The following VPS13B variants were observed in gnomAD, a reference collection of about 807,000 sequenced individuals.
VPS13B encodes the protein intermembrane lipid transfer protein VPS13B.
Under a neutral mutation model 426.4 loss-of-function variants are expected in VPS13B, and 285 were observed. The observed-to-expected ratio is 0.67, with a 90% CI of 0.61 to 0.74. VPS13B has a LOEUF of 0.74. Ranked by LOEUF, VPS13B falls within the 30% of genes least tolerant of loss-of-function variation. The pLI is 0.00. For missense variants in VPS13B, 4,537 were observed against 4,782.6 expected, an observed-to-expected ratio of 0.95 and a Z score of 1.51; for synonymous variants, 1,676 against 1,676.4, an observed-to-expected ratio of 1.00 and a Z score of 0.01.
intron 17 of VPS13B, among the ~76,000 whole-genome samples, chr8:99,238,630 C>G (rs770512883): frequency 1.8e-4 from 28 of 152,060 alleles, no homozygotes; most frequent in Admixed American, 6.6e-4. Context: ...CATGTTAATA[C>G]TGACAGTTAT....
chr8:99,604,280 A>G (rs1352586082), intron 33 of VPS13B, among the ~76,000 whole-genome samples: 1 of 152,184 alleles, frequency 6.6e-6, no homozygotes, highest in African/African-American at 2.4e-5. Flanking sequence ...TCAACATTCT[A>G]CAATAATATG....
Position 99,559,265 on chromosome 8 carries a change from G to A in VPS13B, c.4949+2612G>A, listed in dbSNP as rs535461309. ...TTTTGATGGGGTTATTTGATTTTTTGTTGTAAATTTGTTTAAGTTCTTTGT... is the reference window on the plus strand; with the variant it reads ...TTTTGATGGGGTTATTTGATTTTTTATTGTAAATTTGTTTAAGTTCTTTGT... On this transcript the variant is annotated intron_variant, in intron 31 of 61. Coordinates refer to ENST00000357162, the MANE Select transcript of VPS13B (RefSeq NM_152564.5). 2.0e-5 allele frequency among the ~76,000 whole-genome samples: 3 copies of A among 152,064 alleles called. No individual in the cohort carries two copies. In the South Asian group the frequency reaches 6.2e-4, roughly 32 times the overall value.
intron 6 of VPS13B, 73 bp downstream of exon 6, chr8:99,111,352 A>G: frequency 3.2e-6 from 4 of 1,248,890 alleles, no homozygotes; most frequent in South Asian, 1.5e-5. Flanking sequence ...GATGCTAATC[A>G]TTATTAACAA....
intron 36 of VPS13B, among the ~76,000 whole-genome samples, chr8:99,712,445 T>A (rs1194712173): frequency 6.6e-6 from 1 of 152,214 alleles, no homozygotes; most frequent in Non-Finnish European, 1.5e-5. Flanking sequence ...TAAAGTCCCA[T>A]AAAGTTCCCC....
intron 21 of VPS13B, among the ~76,000 whole-genome samples, chr8:99,419,021 C>A (rs952502232): frequency 5.9e-5 from 9 of 152,190 alleles, no homozygotes; most frequent in African/African-American, 2.2e-4. Flanking sequence ...ACCTTGACTT[C>A]TGATATGGTC....
intron 49 of VPS13B, among the ~76,000 whole-genome samples, chr8:99,820,693 C>T (rs1028030154): frequency 1.3e-5 from 2 of 152,086 alleles, no homozygotes; most frequent in African/African-American, 2.4e-5. Flanking sequence ...TGTCACAAAA[C>T]CTTCTTTATA....
intron 2 of VPS13B, among the ~76,000 whole-genome samples, chr8:99,034,500 G>T (rs1000890020): frequency 1.1e-4 from 17 of 150,506 alleles, no homozygotes; most frequent in Non-Finnish European, 2.4e-4. Flanking sequence ...CCCTCTCTTT[G>T]TGGTTGCTTA....
chr8:99,741,753 A>G lies in VPS13B; in HGVS notation c.7050+20706A>G, dbSNP rs777832402. On this transcript the variant is annotated intron_variant, in intron 39 of 61. Coordinates refer to ENST00000357162, the MANE Select transcript of VPS13B (RefSeq NM_152564.5). ...GGTACATAACGAAATGAAGGCAGAA[A>G]TAAAGATGTTCTTTGAAACCAATGA... Among the ~76,000 whole-genome samples, 3 of 152,248 alleles carry G rather than the reference A, an allele frequency of 2.0e-5. No individual in the cohort carries two copies. The South Asian group carries it at 6.2e-4, about 31-fold the overall frequency.
chr8:99,467,575 T>C lies in VPS13B; in HGVS notation c.3607T>C (p.Phe1203Leu). ...TACGGGACCTGATACACGACATTCATTTGTTGTCTGTCTCCATGTTGACCT... is the reference window on the plus strand; with the variant it reads ...TACGGGACCTGATACACGACATTCACTTGTTGTCTGTCTCCATGTTGACCT... ...LATGPDTRHS[F>L]VVCLHVDLES... The change falls in exon 24 of 62, where the codon TTT becomes CTT. Residue 1203 changes from phenylalanine (F) to leucine (L), a missense_variant. Coordinates refer to ENST00000357162, the MANE Select transcript of VPS13B (RefSeq NM_152564.5). 1 of 1,613,848 alleles carries C rather than the reference T, an allele frequency of 6.2e-7. No individual in the cohort carries two copies. The highest frequency in any genetic ancestry group is 8.5e-7 in the Non-Finnish European group (1 of 1,179,842).
chr8:99,115,838 A>T lies in VPS13B; in HGVS notation c.901A>T (p.Thr301Ser). 1.9e-6 allele frequency: 3 copies of T among 1,613,554 alleles called. No homozygotes were observed. Among genetic ancestry groups the T allele is most frequent in the South Asian group, 2.2e-5 (2 of 91,006 alleles). Residue 301 changes from threonine (T) to serine (S), a missense_variant, in exon 7 of 62, where the codon ACT becomes TCT. Physicochemically the swap from Thr to Ser is moderately conservative, Grantham distance 58. Transcript: ENST00000357162. ...TAAAGAAGGCGAAATAGAGGACCTT[A>T]CTTGTCATAATAAAGATATGCTAGG... ...NFKEGEIEDL[T>S]CHNKDMLGNI... is the part of the protein sequence containing the mutation.
At chr8:99,722,932 G>C (rs1472254643) in intron 39 of VPS13B, among the ~76,000 whole-genome samples, 1 of 152,188 alleles carries the variant, frequency 6.6e-6, no homozygotes, top group Non-Finnish European at 1.5e-5. Flanking sequence ...GTTATAGCTA[G>C]ATATTAACAC....
At chr8:99,609,494 A>G (rs987943541) in intron 33 of VPS13B, among the ~76,000 whole-genome samples, 3 of 152,140 alleles carry the variant, frequency 2.0e-5, no homozygotes, top group Admixed American at 1.3e-4. Flanking sequence ...CATTGTAGAG[A>G]AAATGTTTGT....
intron 33 of VPS13B, among the ~76,000 whole-genome samples, chr8:99,582,413 C>A (rs960669003): frequency 6.6e-6 from 1 of 152,128 alleles, no homozygotes; most frequent in Non-Finnish European, 1.5e-5. Context: ...CCTATCATAT[C>A]TTGATTCCCT....
At chr8:99,687,011 ATGGTGAGTATTG>A (rs1831439952) in intron 35 of VPS13B, among the ~76,000 whole-genome samples, 2 of 152,040 alleles carry the variant, frequency 1.3e-5, no homozygotes, top group Non-Finnish European at 2.9e-5. Flanking sequence ...CCCAGGGCCC[ATGGTGAGTATTG>A]CCTGGGTGCT....
intron 21 of VPS13B, among the ~76,000 whole-genome samples, chr8:99,402,668 A>G (rs1016795505): frequency 2.6e-5 from 4 of 152,176 alleles, no homozygotes; most frequent in Non-Finnish European, 5.9e-5. Context: ...AAAAAAAAAA[A>G]TCAATAGCAT....
At chr8:99,751,105 A>G (rs551939933) in intron 39 of VPS13B, among the ~76,000 whole-genome samples, 11 of 152,328 alleles carry the variant, frequency 7.2e-5, no homozygotes, top group African/African-American at 2.2e-4. Flanking sequence ...GTCAACTAAG[A>G]TAACTATTTT....
chr8:99,768,356 C>A (rs1381547930), intron 40 of VPS13B, among the ~76,000 whole-genome samples: 1 of 152,150 alleles, frequency 6.6e-6, no homozygotes, highest in Non-Finnish European at 1.5e-5. Flanking sequence ...TCTCTGTTAC[C>A]GTTCTTTTTG....
rs901282359 is a variant in VPS13B at position 99,021,499 on chromosome 8, T to C, written c.147+7564T>C. On this transcript the variant is annotated intron_variant, in intron 2 of 61. Transcript: ENST00000357162. Reference sequence around the variant, plus strand: ...AGCTGGGTGTGGTGGCGGGCGCCTGTAATCCCAGCTACTCAGGAGGCTGAG... The same window carrying C: ...AGCTGGGTGTGGTGGCGGGCGCCTGCAATCCCAGCTACTCAGGAGGCTGAG... 2.0e-5 allele frequency among the ~76,000 whole-genome samples: 3 copies of C among 151,972 alleles called. No individual in the cohort carries two copies. The South Asian group carries it at 6.2e-4, about 32-fold the overall frequency.
intron 42 of VPS13B, 138 bp from the exon 43 acceptor site, chr8:99,784,177 A>C (rs1463915959): frequency 2.9e-6 from 3 of 1,044,730 alleles, no homozygotes; most frequent in African/African-American, 1.6e-5. Flanking sequence ...GGCAGTATAG[A>C]ATACTTTGTA....
Sources: gnomAD v4.1 joint callset for allele counts (sites outside exome capture counted in the v4.1 genomes callset) on GRCh38, gnomAD v4.1.1 for gene constraint, MANE v1.5 for transcripts, NCBI Gene and HGNC (gene_info 2026-07-23, HGNC 2026-07-21) for gene names.